The following FAM227B variants were observed in gnomAD, a reference collection of about 807,000 sequenced individuals.
FAM227B encodes protein FAM227B.
Under a neutral mutation model 73.8 loss-of-function variants are expected in FAM227B, and 88 were observed. That is an observed-to-expected ratio of 1.19 (90% CI 1.00 to 1.42). The LOEUF (loss-of-function observed/expected upper bound fraction) is 1.42, where lower values mean the gene tolerates loss of function less well. Among genes scored for constraint, FAM227B ranks in the 40% most tolerant of loss-of-function variants. FAM227B has a pLI of 0.00. For missense variants in FAM227B, 632 were observed against 590.9 expected (o/e 1.07, Z -0.72); for synonymous variants, 210 against 190.5 (o/e 1.10, Z -0.84).
intron 8 of FAM227B, among the ~76,000 whole-genome samples, chr15:49,568,937 A>G (rs1157474364): frequency 6.6e-6 from 1 of 152,000 alleles, no homozygotes; most frequent in Non-Finnish European, 1.5e-5. Context: ...ACTTTTTGAA[A>G]GAGTTTCAGA....
intron 11 of FAM227B, among the ~76,000 whole-genome samples, chr15:49,434,028 T>C (rs145729075): frequency 2.8e-3 from 427 of 151,642 alleles, no homozygotes; most frequent in Non-Finnish European, 4.6e-3. Flanking sequence ...GGAGAGGGCA[T>C]ATGCATAGGA....
chr15:49,378,333 G>A (rs1250700594), intron 11 of FAM227B, among the ~76,000 whole-genome samples: 2 of 151,210 alleles, frequency 1.3e-5, no homozygotes, highest in Non-Finnish European at 2.9e-5. Context: ...TTCTATTTCT[G>A]TAAAGAATAT....
intron 13 of FAM227B, among the ~76,000 whole-genome samples, chr15:49,341,300 G>A (rs2040698533): frequency 6.6e-6 from 1 of 152,106 alleles, no homozygotes; most frequent in Non-Finnish European, 1.5e-5. Context: ...AATTACATTG[G>A]TAATTGGATA....
At chr15:49,523,436 C>T (rs528504817) in intron 10 of FAM227B, among the ~76,000 whole-genome samples, 1 of 152,286 alleles carries the variant, frequency 6.6e-6, no homozygotes, top group East Asian at 1.9e-4. Context: ...CTTGCTTCTC[C>T]CTGCCTTCCA....
At chr15:49,369,552 A>C (rs903592249) in intron 12 of FAM227B, among the ~76,000 whole-genome samples, 7 of 152,206 alleles carry the variant, frequency 4.6e-5, no homozygotes, top group Admixed American at 4.6e-4. Context: ...CAGAAAATTT[A>C]TTAAAGGATA....
intron 13 of FAM227B, among the ~76,000 whole-genome samples, chr15:49,355,735 G>C (rs1467267173): frequency 1.3e-5 from 2 of 151,018 alleles, no homozygotes; most frequent in African/African-American, 4.9e-5. Context: ...AGGAAATACA[G>C]AGAACACCAC....
intron 13 of FAM227B, chr15:49,365,443 A>G (rs1160773595): frequency 4.3e-6 from 4 of 930,490 alleles, no homozygotes; most frequent in Non-Finnish European, 7.2e-6. Flanking sequence ...GGCCTGTACA[A>G]TAATGTCTCC....
At chr15:49,607,206 C>A (rs73406010) in intron 3 of FAM227B, among the ~76,000 whole-genome samples, 4,336 of 152,172 alleles carry the variant, frequency 0.028, 217 homozygotes, top group African/African-American at 0.1. Context: ...AAATAATACC[C>A]AGTGCTTAAC....
At chr15:49,603,588 T>C (rs1234510591) in intron 3 of FAM227B, among the ~76,000 whole-genome samples, 1 of 152,186 alleles carries the variant, frequency 6.6e-6, no homozygotes, top group Non-Finnish European at 1.5e-5. Flanking sequence ...CAAGGAGAAT[T>C]TGACTTTTTC....
At chr15:49,542,576 G>A (rs983403326) in intron 9 of FAM227B, among the ~76,000 whole-genome samples, 7 of 151,330 alleles carry the variant, frequency 4.6e-5, no homozygotes, top group African/African-American at 1.7e-4. Context: ...ATGTATAAGT[G>A]AGACCATATG....
chr15:49,337,109 T>C (rs1468025152), intron 13 of FAM227B, among the ~76,000 whole-genome samples: 3 of 152,234 alleles, frequency 2.0e-5, no homozygotes, highest in Non-Finnish European at 4.4e-5. Context: ...GGGATCTACG[T>C]TGATTCCATG....
chr15:49,426,409 A>G (rs2050135994), intron 11 of FAM227B, among the ~76,000 whole-genome samples: 1 of 152,038 alleles, frequency 6.6e-6, no homozygotes, highest in Non-Finnish European at 1.5e-5. Context: ...GTGGAATTCT[A>G]CATGCTGACT....
chr15:49,364,478 G>A (rs1478468680), intron 13 of FAM227B, among the ~76,000 whole-genome samples: 1 of 151,770 alleles, frequency 6.6e-6, no homozygotes, highest in African/African-American at 2.4e-5. Context: ...TTCTGATTGT[G>A]TTTATTTCTA....
chr15:49,440,342 G>C (rs1326793966), intron 11 of FAM227B, among the ~76,000 whole-genome samples: 1 of 151,636 alleles, frequency 6.6e-6, no homozygotes, highest in African/African-American at 2.4e-5. Context: ...ATAAGTAAAA[G>C]AGTCATCATA....
At chr15:49,470,599 A>G (rs2054651701) in intron 11 of FAM227B, among the ~76,000 whole-genome samples, 1 of 152,190 alleles carries the variant, frequency 6.6e-6, no homozygotes, top group African/African-American at 2.4e-5. Context: ...CTGTGTTTGA[A>G]ATGATATTTG....
intron 11 of FAM227B, among the ~76,000 whole-genome samples, chr15:49,411,196 C>T (rs2048853346): frequency 6.6e-6 from 1 of 151,680 alleles, no homozygotes; most frequent in Non-Finnish European, 1.5e-5. Context: ...TTTGGTATCA[C>T]CAGGGTAATA....
Position 49,504,433 on chromosome 15 carries a change from A to G in FAM227B, c.1012+3778T>C, listed in dbSNP as rs74513382. Among the ~76,000 whole-genome samples the G allele has an allele frequency of 9.9e-5, 15 of 151,760 alleles. No homozygotes were observed. The East Asian group carries it at 1.4e-3, about 14-fold the overall frequency. ...TAAAACTTAAAGTATAATAAAAAAA[A>G]AGAAAAGATCAGATATATATTGTTC... On this transcript the variant is annotated intron_variant, in intron 11 of 15. Transcript: ENST00000299338.
intron 10 of FAM227B, among the ~76,000 whole-genome samples, chr15:49,517,639 G>T (rs1411852439): frequency 6.6e-6 from 1 of 152,106 alleles, no homozygotes; most frequent in Non-Finnish European, 1.5e-5. Flanking sequence ...CTTTACTGCA[G>T]CTACTATTGC....
intron 9 of FAM227B, among the ~76,000 whole-genome samples, chr15:49,553,139 G>C (rs1483200455): frequency 6.6e-6 from 1 of 152,114 alleles, no homozygotes; most frequent in Non-Finnish European, 1.5e-5. Context: ...AAAGAGCTTG[G>C]GTGTTGTGAT....
Sources: allele counts gnomAD v4.1 joint callset (sites outside exome capture counted in the v4.1 genomes callset), GRCh38; gene constraint gnomAD v4.1.1; transcripts MANE v1.5; gene names NCBI Gene and HGNC (gene_info 2026-07-23, HGNC 2026-07-21).